The following ALOX5AP variants were observed in gnomAD, a reference collection of about 807,000 sequenced individuals.
ALOX5AP encodes the protein arachidonate 5-lipoxygenase-activating protein.
Under a neutral mutation model 18.5 loss-of-function variants are expected in ALOX5AP, and 9 were observed. That is an observed-to-expected ratio of 0.49 (90% CI 0.29 to 0.85). The LOEUF (loss-of-function observed/expected upper bound fraction) is 0.85. Ranked by LOEUF, ALOX5AP falls within the 40% of genes least tolerant of loss-of-function variation. The pLI is 0.08. For missense variants in ALOX5AP, 172 were observed against 202.5 expected, an observed-to-expected ratio of 0.85 and a Z score of 0.91; for synonymous variants, 81 against 78.6, an observed-to-expected ratio of 1.03 and a Z score of -0.16.
chr13:30,722,618 A>T (rs1951602861), intron 1 of ALOX5AP, among the ~76,000 whole-genome samples: 1 of 152,180 alleles, frequency 6.6e-6, no homozygotes, highest in African/African-American at 2.4e-5. Flanking sequence ...CCTCTTTAGG[A>T]TCTGGGCCCA....
chr13:30,743,668 A>AC (rs1168950041), intron 1 of ALOX5AP, among the ~76,000 whole-genome samples: 1 of 151,930 alleles, frequency 6.6e-6, no homozygotes, highest in Admixed American at 6.6e-5. Flanking sequence ...TTTATCTTAG[A>AC]TGTCATTCCC....
chr13:30,735,584 C>T lies in ALOX5AP; in HGVS notation c.-22C>T, dbSNP rs544491297. On this transcript the variant is annotated 5_prime_UTR_variant, in exon 1 of 5. Transcript: ENST00000380490. ...GTGCAGCTGGAGGCAGAGCAGTCCTCTCTGGGGAGCCTGAAGCAAACATGG... is the reference window on the plus strand; with the variant it reads ...GTGCAGCTGGAGGCAGAGCAGTCCTTTCTGGGGAGCCTGAAGCAAACATGG... 5.0e-6 allele frequency: 8 copies of T among 1,614,020 alleles called. No individual in the cohort carries two copies. In the South Asian group the frequency reaches 8.8e-5, roughly 18 times the overall value.
chr13:30,737,146 C>G lies in ALOX5AP; in HGVS notation c.70+1471C>G, dbSNP rs373706962. 5.9e-5 allele frequency among the ~76,000 whole-genome samples: 9 copies of G among 152,348 alleles called. No individual in the cohort carries two copies. The East Asian group carries it at 1.3e-3, about 23-fold the overall frequency. Reference sequence around the variant, plus strand: ...GACACCCATCAATAAAACTGAGGAGCATCGGTGGACAGGGGACCTTGTGCC... The same window carrying G: ...GACACCCATCAATAAAACTGAGGAGGATCGGTGGACAGGGGACCTTGTGCC... On this transcript the variant is annotated intron_variant, in intron 1 of 4. Transcript: ENST00000380490.
chr13:30,758,358 G>A (rs904417116), intron 4 of ALOX5AP, among the ~76,000 whole-genome samples: 3 of 152,186 alleles, frequency 2.0e-5, no homozygotes, highest in Admixed American at 6.5e-5. Flanking sequence ...GACACCTAAT[G>A]CTCTTGGGAC....
intron 1 of ALOX5AP, among the ~76,000 whole-genome samples, chr13:30,715,499 T>G (rs537590604): frequency 6.6e-6 from 1 of 152,178 alleles, no homozygotes; most frequent in Non-Finnish European, 1.5e-5. Context: ...TCAGTGTGGC[T>G]GCCTCTATGT....
chr13:30,728,476 T>C (rs1447620039), intron 1 of ALOX5AP, among the ~76,000 whole-genome samples: 2 of 152,176 alleles, frequency 1.3e-5, no homozygotes, highest in Non-Finnish European at 1.5e-5. Flanking sequence ...TATTTAAAAA[T>C]ATAAAATATC....
chr13:30,722,737 T>C (rs1036264244), intron 1 of ALOX5AP, among the ~76,000 whole-genome samples: 10 of 152,236 alleles, frequency 6.6e-5, no homozygotes, highest in Non-Finnish European at 1.0e-4. Flanking sequence ...TTGGTCATAG[T>C]GATAAATGGC....
At chr13:30,726,147 A>G (rs1032884941) in intron 1 of ALOX5AP, among the ~76,000 whole-genome samples, 4 of 152,106 alleles carry the variant, frequency 2.6e-5, no homozygotes, top group Non-Finnish European at 4.4e-5. Context: ...GAATGCTTCC[A>G]TCAGGGAATA....
intron 2 of ALOX5AP, among the ~76,000 whole-genome samples, chr13:30,749,232 T>C (rs1951832928): frequency 6.6e-6 from 1 of 152,212 alleles, no homozygotes; most frequent in Non-Finnish European, 1.5e-5. Flanking sequence ...CAGTTCACAT[T>C]TCTAATGAGC....
chr13:30,760,838 C>T (rs150881383), intron 4 of ALOX5AP, among the ~76,000 whole-genome samples: 2 of 152,264 alleles, frequency 1.3e-5, no homozygotes, highest in African/African-American at 2.4e-5. Flanking sequence ...TCTGACCTTC[C>T]TCACTCATTT....
At chr13:30,755,866 T>C in intron 3 of ALOX5AP, 78 bp from the exon 4 acceptor site, 2 of 1,394,570 alleles carry the variant, frequency 1.4e-6, no homozygotes, top group Non-Finnish European at 2.0e-6. Context: ...TTGTGACCAA[T>C]GTTGATTGCC....
At chr13:30,760,656 C>T (rs1001985461) in intron 4 of ALOX5AP, among the ~76,000 whole-genome samples, 1 of 152,228 alleles carries the variant, frequency 6.6e-6, no homozygotes, top group Non-Finnish European at 1.5e-5. Context: ...GGTCTGAACT[C>T]CTGTGTTGCC....
intron 2 of ALOX5AP, among the ~76,000 whole-genome samples, chr13:30,750,283 G>T (rs1951842377): frequency 6.6e-6 from 1 of 152,208 alleles, no homozygotes; most frequent in Non-Finnish European, 1.5e-5. Flanking sequence ...AATCCAGAGA[G>T]ATTGTTTTGC....
intron 3 of ALOX5AP, among the ~76,000 whole-genome samples, chr13:30,753,960 C>G (rs1237083675): frequency 6.6e-6 from 1 of 152,178 alleles, no homozygotes; most frequent in Non-Finnish European, 1.5e-5. Flanking sequence ...ATAGCATGGG[C>G]CAGGCACAGT....
At chr13:30,740,277 T>C (rs1375727987) in intron 1 of ALOX5AP, among the ~76,000 whole-genome samples, 1 of 152,264 alleles carries the variant, frequency 6.6e-6, no homozygotes. Context: ...TCAAGATCTC[T>C]TTATGTTTGT....
upstream of ALOX5AP, chr13:30,735,476 G>C: frequency 7.5e-7 from 1 of 1,327,632 alleles, no homozygotes. Flanking sequence ...AGAAGGCACT[G>C]TGTAATTGTG....
chr13:30,741,550 ACCC>A (rs869222414), intron 1 of ALOX5AP, among the ~76,000 whole-genome samples: 1 of 32,742 alleles, frequency 3.1e-5, no homozygotes, highest in Admixed American at 2.4e-4. Flanking sequence ...GCCCCTCCCC[ACCC>A]CCACCCCCCA....
At chr13:30,751,739 C>T (rs1202261457) in intron 2 of ALOX5AP, among the ~76,000 whole-genome samples, 1 of 152,196 alleles carries the variant, frequency 6.6e-6, no homozygotes, top group East Asian at 1.9e-4. Context: ...TCTTCAATTC[C>T]AAGAAGCGCA....
intron 1 of ALOX5AP, among the ~76,000 whole-genome samples, chr13:30,722,537 T>C (rs1055240336): frequency 2.6e-5 from 4 of 152,204 alleles, no homozygotes; most frequent in Non-Finnish European, 5.9e-5. Context: ...TAAGTATTTG[T>C]TGAATGAGTG....
Sources: gnomAD v4.1 joint callset for allele counts (sites outside exome capture counted in the v4.1 genomes callset) on GRCh38, gnomAD v4.1.1 for gene constraint, MANE v1.5 for transcripts, NCBI Gene and HGNC (gene_info 2026-07-23, HGNC 2026-07-21) for gene names.